Variants in SVIL observed in about 807,000 individuals in gnomAD.
SVIL encodes archvillin.
In SVIL, 101 loss-of-function variants were observed where a neutral mutation model predicts 240.4. The ratio of observed to expected loss-of-function variants is 0.42; its 90% CI spans 0.36 to 0.50. The LOEUF (loss-of-function observed/expected upper bound fraction) is 0.50. Among genes scored for constraint, SVIL ranks in the 20% least tolerant of loss-of-function variants. The pLI is 0.01. For missense variants in SVIL, 2,512 were observed against 2,818.7 expected, an observed-to-expected ratio of 0.89 and a Z score of 2.46; for synonymous variants, 999 against 1,100.0, an observed-to-expected ratio of 0.91 and a Z score of 1.82.
chr10:29,681,702 C>T (rs976270862), intron 2 of SVIL, among the ~76,000 whole-genome samples: 1 of 152,110 alleles, frequency 6.6e-6, no homozygotes, highest in African/African-American at 2.4e-5. Flanking sequence ...CTCTGGGCAC[C>T]AGTTACTCAA....
chr10:29,572,632 T>C (rs567864543), intron 1 of SVIL, among the ~76,000 whole-genome samples: 7 of 151,842 alleles, frequency 4.6e-5, no homozygotes, highest in South Asian at 2.1e-4. Context: ...GATGTGGTGG[T>C]ACACACCTAT....
Position 29,533,085 on chromosome 10 carries a change from C to T in SVIL, c.1282G>A (p.Glu428Lys). ...PVLHVCESKA[E>K]EEEGEGEGEE... Reference sequence around the variant, plus strand: ...CCTTCTCCTTCCCCTTCTTCTTCTTCTGCTTTTGACTCGCAGACATGGAGA... The same window carrying T: ...CCTTCTCCTTCCCCTTCTTCTTCTTTTGCTTTTGACTCGCAGACATGGAGA... The change falls in exon 8 of 38, where the codon GAA becomes AAA. Residue 428 changes from glutamate to lysine, a missense_variant. Physicochemically the swap from Glu to Lys is moderately conservative, Grantham distance 56 (BLOSUM62 1). Coordinates refer to ENST00000355867, the MANE Select transcript of SVIL (RefSeq NM_021738.3). 6.2e-7 allele frequency: 1 copy of T among 1,613,996 alleles called. No homozygotes were observed. Among genetic ancestry groups the T allele is most frequent in the East Asian group, 2.2e-5 (1 of 44,880 alleles).
At chr10:29,526,271 ATTTTTCTTTT>A (rs894777609) in intron 13 of SVIL, among the ~76,000 whole-genome samples, 2 of 133,884 alleles carry the variant, frequency 1.5e-5, no homozygotes, top group Non-Finnish European at 3.3e-5. Context: ...TTAATGTCTC[ATTTTTCTTTT>A]TTTTTCTTTC....
chr10:29,519,373 C>T (rs1950422431), intron 16 of SVIL, among the ~76,000 whole-genome samples: 1 of 152,104 alleles, frequency 6.6e-6, no homozygotes, highest in Admixed American at 6.5e-5. Context: ...GAGCCGAATC[C>T]CTCCTTTGGT....
intron 3 of SVIL, among the ~76,000 whole-genome samples, chr10:29,643,088 G>T (rs1469645697): frequency 6.6e-6 from 1 of 152,126 alleles, no homozygotes; most frequent in Non-Finnish European, 1.5e-5. Context: ...GTCACAAGTT[G>T]GATCCTCAGC....
At chr10:29,733,582 T>C (rs1008734610) in intron 1 of SVIL, among the ~76,000 whole-genome samples, 1 of 152,216 alleles carries the variant, frequency 6.6e-6, no homozygotes, top group Non-Finnish European at 1.5e-5. Flanking sequence ...TGGTACTACA[T>C]GTGTGAGGCA....
chr10:29,622,025 C>T (rs893809414), intron 1 of SVIL, among the ~76,000 whole-genome samples: 6 of 151,256 alleles, frequency 4.0e-5, no homozygotes, highest in Non-Finnish European at 4.4e-5. Context: ...CCGAGGCGGG[C>T]GGATCACGAG....
At chr10:29,568,057 C>T (rs1955131455) in intron 2 of SVIL, among the ~76,000 whole-genome samples, 1 of 151,304 alleles carries the variant, frequency 6.6e-6, no homozygotes, top group South Asian at 2.1e-4. Flanking sequence ...AGAAAGAAAC[C>T]AAGCCTCAGA....
chr10:29,583,260 T>C (rs569773657), intron 1 of SVIL, among the ~76,000 whole-genome samples: 1 of 152,284 alleles, frequency 6.6e-6, no homozygotes, highest in African/African-American at 2.4e-5. Flanking sequence ...GAAAAGCTCA[T>C]CAACCTGTGA....
At chr10:29,680,918 C>CA (rs10714685) in intron 2 of SVIL, among the ~76,000 whole-genome samples, 3,081 of 146,868 alleles carry the variant, frequency 0.021, 62 homozygotes, top group East Asian at 0.099. Context: ...GACTCCATCT[C>CA]AAAAAAAAAA....
intron 3 of SVIL, among the ~76,000 whole-genome samples, chr10:29,651,192 C>T (rs888771260): frequency 6.6e-6 from 1 of 152,152 alleles, no homozygotes; most frequent in Non-Finnish European, 1.5e-5. Flanking sequence ...AACATTCATA[C>T]CCAGAAGGGC....
At chr10:29,686,133 G>A (rs1457189544) in intron 2 of SVIL, among the ~76,000 whole-genome samples, 1 of 152,166 alleles carries the variant, frequency 6.6e-6, no homozygotes, top group African/African-American at 2.4e-5. Context: ...GAAGTAGAGA[G>A]AAAAAATAAA....
intron 17 of SVIL, among the ~76,000 whole-genome samples, chr10:29,506,833 C>T (rs1451199028): frequency 1.4e-5 from 2 of 146,606 alleles, no homozygotes; most frequent in Non-Finnish European, 3.0e-5. Flanking sequence ...GGGACAGAGG[C>T]CCTAGGAGGG....
intron 36 of SVIL, among the ~76,000 whole-genome samples, chr10:29,460,032 G>A (rs977262984): frequency 1.3e-5 from 2 of 152,028 alleles, no homozygotes; most frequent in African/African-American, 2.4e-5. Context: ...TTCAAGGTTT[G>A]TGTGAGCCAT....
intron 2 of SVIL, among the ~76,000 whole-genome samples, chr10:29,662,778 T>TACACACAC (rs3040508): frequency 1.1e-4 from 16 of 149,392 alleles, no homozygotes; most frequent in Non-Finnish European, 1.9e-4. Flanking sequence ...TGTGCGCGCG[T>TACACACAC]ACACACACAC....
chr10:29,571,096 G>T (rs547644118), intron 1 of SVIL, among the ~76,000 whole-genome samples: 2 of 152,316 alleles, frequency 1.3e-5, no homozygotes, highest in Middle Eastern at 3.4e-3. Flanking sequence ...AACCACCTTC[G>T]TCTGGTCTAA....
At position 29,656,028 on chromosome 10, in the gene SVIL, G is replaced by A. The variant is rs368949564; in HGVS notation, c.-201+1941C>T. ...TGGGACTACAGGTATGTGGCACCAC[G>A]CCCAGCTAATTTTTGTATTTTTAGT... On this transcript the variant is annotated intron_variant, in intron 3 of 35. Coordinates refer to the SVIL transcript ENST00000375400. Among the ~76,000 whole-genome samples, 191 of 146,960 alleles carry A rather than the reference G, an allele frequency of 1.3e-3. 1 individual carries two copies. The highest frequency in any genetic ancestry group is 3.4e-3 in the Middle Eastern group (1 of 290).
chr10:29,501,468 G>A (rs1948890313), intron 17 of SVIL, among the ~76,000 whole-genome samples: 1 of 149,754 alleles, frequency 6.7e-6, no homozygotes. Context: ...GTGGAGGGAG[G>A]AAGGGAGCGA....
chr10:29,719,242 T>G (rs1963829203), intron 1 of SVIL, among the ~76,000 whole-genome samples: 1 of 152,214 alleles, frequency 6.6e-6, no homozygotes, highest in Admixed American at 6.5e-5. Context: ...GGTGATGACC[T>G]TAAGCAATAG....
Sources: allele counts gnomAD v4.1 joint callset (sites outside exome capture counted in the v4.1 genomes callset), GRCh38; gene constraint gnomAD v4.1.1; transcripts MANE v1.5; gene names NCBI Gene and HGNC (gene_info 2026-07-23, HGNC 2026-07-21).